CNOT4: variants seen among roughly 807,000 people sequenced by gnomAD.
The protein encoded by CNOT4 is CCR4-associated factor 4.
In CNOT4, 8 loss-of-function variants were observed where a neutral mutation model predicts 73.8. The ratio of observed to expected loss-of-function variants is 0.11; its 90% confidence interval spans 0.06 to 0.20. The LOEUF (loss-of-function observed/expected upper bound fraction) is 0.20. Ranked by LOEUF, CNOT4 falls within the 10% of genes least tolerant of loss-of-function variation. CNOT4 has a pLI of 1.00. For synonymous variants in CNOT4, 293 were observed against 321.1 expected (o/e 0.91, Z 0.94); for missense variants, 564 against 883.4 (o/e 0.64, Z 4.58).
chr7:135,418,379 C>T (rs1370615385), intron 3 of CNOT4, among the ~76,000 whole-genome samples: 21 of 152,082 alleles, frequency 1.4e-4, no homozygotes, highest in Admixed American at 1.4e-3. Flanking sequence ...CACAGTGGGC[C>T]AATTTTCCTA....
chr7:135,385,364 C>T (rs112285821), intron 10 of CNOT4, among the ~76,000 whole-genome samples: 2,910 of 152,286 alleles, frequency 0.019, 95 homozygotes, highest in African/African-American at 0.066. Flanking sequence ...AAAGCAACTG[C>T]AATTTGTTCC....
At chr7:135,388,904 A>G (rs1563019335) in intron 10 of CNOT4, 2 of 1,612,298 alleles carry the variant, frequency 1.2e-6, no homozygotes, top group South Asian at 2.2e-5. Context: ...CCTGTGGAAA[A>G]GTCAGTCATG....
intron 2 of CNOT4, among the ~76,000 whole-genome samples, chr7:135,423,210 G>A (rs897183753): frequency 4.0e-5 from 6 of 151,692 alleles, no homozygotes; most frequent in Admixed American, 2.6e-4. Context: ...CCCAAGACCC[G>A]TGCACACACA....
At chr7:135,397,534 C>T (rs562250307) in intron 8 of CNOT4, among the ~76,000 whole-genome samples, 58 of 150,118 alleles carry the variant, frequency 3.9e-4, no homozygotes, top group South Asian at 2.3e-3. Context: ...CTATTCTTTA[C>T]GGGAGATACT....
At chr7:135,464,313 A>C (rs1801087101) in intron 1 of CNOT4, among the ~76,000 whole-genome samples, 1 of 152,222 alleles carries the variant, frequency 6.6e-6, no homozygotes, top group Non-Finnish European at 1.5e-5. Context: ...CAGATTAAAG[A>C]AAATGTGGTA....
chr7:135,490,574 T>C (rs915453440), intron 1 of CNOT4, among the ~76,000 whole-genome samples: 1 of 152,136 alleles, frequency 6.6e-6, no homozygotes, highest in African/African-American at 2.4e-5. Flanking sequence ...GTGCATATGG[T>C]GGAAAAGACA....
At chr7:135,384,951 A>G (rs1796048344) in intron 10 of CNOT4, among the ~76,000 whole-genome samples, 1 of 152,220 alleles carries the variant, frequency 6.6e-6, no homozygotes, top group Non-Finnish European at 1.5e-5. Flanking sequence ...TTACATTTTT[A>G]AAGATCACCA....
chr7:135,465,909 G>A (rs994768611), intron 1 of CNOT4, among the ~76,000 whole-genome samples: 10 of 151,862 alleles, frequency 6.6e-5, no homozygotes, highest in African/African-American at 2.4e-4. Context: ...TTAGCCGGGC[G>A]TGGTGGCCAA....
At chr7:135,473,705 C>A (rs1801793208) in intron 1 of CNOT4, among the ~76,000 whole-genome samples, 1 of 152,108 alleles carries the variant, frequency 6.6e-6, no homozygotes, top group African/African-American at 2.4e-5. Flanking sequence ...CGAGATCATG[C>A]CACTGCACTC....
At chr7:135,427,111 T>C (rs887719290) in intron 2 of CNOT4, among the ~76,000 whole-genome samples, 3 of 152,188 alleles carry the variant, frequency 2.0e-5, no homozygotes, top group African/African-American at 7.2e-5. Flanking sequence ...GATATAACAC[T>C]ATTTTTAATA....
intron 7 of CNOT4, among the ~76,000 whole-genome samples, chr7:135,405,165 C>CT (rs1797210786): frequency 6.6e-6 from 1 of 152,106 alleles, no homozygotes; most frequent in South Asian, 2.1e-4. Flanking sequence ...CTCTCTGAGA[C>CT]TTAAGTTTTT....
At chr7:135,485,862 T>C (rs1020499441) in intron 1 of CNOT4, among the ~76,000 whole-genome samples, 3 of 152,230 alleles carry the variant, frequency 2.0e-5, no homozygotes, top group African/African-American at 7.2e-5. Context: ...TCTTCAGGCA[T>C]TGGCACTAGG....
At chr7:135,436,920 C>T (rs983486143) in intron 2 of CNOT4, among the ~76,000 whole-genome samples, 1 of 151,866 alleles carries the variant, frequency 6.6e-6, no homozygotes, top group South Asian at 2.1e-4. Context: ...GTAATGAACA[C>T]AAGAGGTCTT....
At position 135,364,139 on chromosome 7, in the gene CNOT4, T is replaced by G. The variant is rs948307294; in HGVS notation, c.1628-73A>C. On this transcript the variant is annotated intron_variant, in intron 10 of 11. Coordinates refer to ENST00000541284, the MANE Select transcript of CNOT4 (RefSeq NM_001190850.2). This position sits in a 1 kb window ranked among gnomAD's most constrained non-coding sequence, Gnocchi z 4.3. ...GCTACGTTAGAAACATATGTTGTTC[T>G]TTAGTGGTTAAGCGGGAGAAGAATT... 2.0e-5 allele frequency: 22 copies of G among 1,097,596 alleles called. 1 individual carries two copies. In the South Asian group the frequency reaches 3.1e-4, roughly 15 times the overall value. 68.0% of individuals were successfully genotyped at this position (1,097,596 alleles called of 1,614,324 possible).
chr7:135,481,929 G>A (rs1351928542), intron 1 of CNOT4, among the ~76,000 whole-genome samples: 1 of 152,188 alleles, frequency 6.6e-6, no homozygotes, highest in Non-Finnish European at 1.5e-5. Context: ...AGAGGCTGCA[G>A]AGGGTGGGTG....
chr7:135,413,930 G>A (rs77474267), intron 5 of CNOT4, among the ~76,000 whole-genome samples: 11,764 of 151,878 alleles, frequency 0.077, 527 homozygotes, highest in Middle Eastern at 0.12. Flanking sequence ...ACATAAGAAG[G>A]CAAATTCCTT....
chr7:135,449,817 G>A (rs528738481), intron 1 of CNOT4, among the ~76,000 whole-genome samples: 6 of 137,714 alleles, frequency 4.4e-5, no homozygotes, highest in African/African-American at 1.5e-4. Flanking sequence ...TTAGGAATGA[G>A]AATATTGTGG....
intron 3 of CNOT4, among the ~76,000 whole-genome samples, chr7:135,416,306 G>A (rs1467749996): frequency 1.3e-5 from 2 of 152,070 alleles, no homozygotes; most frequent in Non-Finnish European, 2.9e-5. Context: ...TACGGCGGGT[G>A]TATCATTAAT....
chr7:135,440,506 C>T lies in CNOT4; in HGVS notation c.-92-2083G>A, dbSNP rs181642021. Reference sequence around the variant, plus strand: ...CTGGATTCCTTCTAGGAAGTTTTAGCCCTAGATAAGCTGTGCTCTTAACAA... The same window carrying T: ...CTGGATTCCTTCTAGGAAGTTTTAGTCCTAGATAAGCTGTGCTCTTAACAA... On this transcript the variant is annotated intron_variant, in intron 1 of 11. Transcript: ENST00000541284. 6.4e-4 allele frequency among the ~76,000 whole-genome samples: 98 copies of T among 152,146 alleles called. 1 individual carries two copies. The highest frequency in any genetic ancestry group is 1.2e-3 in the Non-Finnish European group (82 of 67,996).
Sources: allele counts gnomAD v4.1 joint callset (sites outside exome capture counted in the v4.1 genomes callset), GRCh38; gene constraint gnomAD v4.1.1; non-coding constraint Gnocchi (gnomAD v3.1); transcripts MANE v1.5; gene names NCBI Gene and HGNC (gene_info 2026-07-23, HGNC 2026-07-21).